The following TRPM8 variants were observed in gnomAD, a reference collection of about 807,000 sequenced individuals.
The protein encoded by TRPM8 is transient receptor potential cation channel subfamily M member 8.
Under a neutral mutation model 133.7 loss-of-function variants are expected in TRPM8, and 110 were observed. The observed-to-expected ratio is 0.82, with a 90% CI of 0.70 to 0.96. The LOEUF is 0.96. Among genes scored for constraint, TRPM8 ranks in the 40% least tolerant of loss-of-function variants. TRPM8 has a pLI of 0.00. For synonymous variants in TRPM8, 535 were observed against 532.3 expected (o/e 1.01, Z -0.07); for missense variants, 1,291 against 1,379.5 (o/e 0.94, Z 1.02).
chr2:234,014,562 C>G lies in TRPM8; in HGVS notation c.3265C>G (p.Leu1089Val), dbSNP rs201188178. The G allele has an allele frequency of 2.6e-6, 4 of 1,539,358 alleles. No individual in the cohort carries two copies. The highest frequency in any genetic ancestry group is 3.5e-6 in the Non-Finnish European group (4 of 1,146,624). Residue 1089 changes from leucine to valine, a missense_variant and splice_region_variant, in exon 25 of 26, where the codon CTT (leucine) becomes GTT (valine). Physicochemically the swap from Leu to Val is conservative, Grantham distance 32. Around this residue, in one of 2 missense-constraint regions of TRPM8, gnomAD observed 328 missense variants for 410.6 expected, o/e 0.80. Coordinates refer to ENST00000324695, the MANE Select transcript of TRPM8 (RefSeq NM_024080.5). ...AGTTCTATTTTTTTCTCTTTCCAAG[C>G]TTAATGATCTCAAGGGTCTTCTGAA... Reference protein sequence around the residue: ...RHRFRQLDTKLNDLKGLLKEI... With the variant: ...RHRFRQLDTKVNDLKGLLKEI...
At chr2:234,011,181 CT>C in intron 24 of TRPM8, among the ~76,000 whole-genome samples, 1 of 152,102 alleles carries the variant, frequency 6.6e-6, no homozygotes, top group Non-Finnish European at 1.5e-5. Flanking sequence ...CAATGTTATT[CT>C]TTTACATGTG....
At chr2:233,967,862 C>T (rs531099436) in intron 15 of TRPM8, among the ~76,000 whole-genome samples, 1 of 152,130 alleles carries the variant, frequency 6.6e-6, no homozygotes, top group African/African-American at 2.4e-5. Flanking sequence ...CTTCCTGGGC[C>T]CCAAACCCTA....
chr2:233,927,912 C>CTCTCTCTCTCTCTCTT (rs1559516656), intron 2 of TRPM8, among the ~76,000 whole-genome samples: 38 of 28,314 alleles, frequency 1.3e-3, no homozygotes, highest in Non-Finnish European at 1.9e-3. Context: ...CTTTCTTTCT[C>CTCTCTCTCTCTCTCTT]TCTCTCTCTC....
At chr2:233,936,441 C>G (rs1209659355) in intron 3 of TRPM8, among the ~76,000 whole-genome samples, 1 of 152,216 alleles carries the variant, frequency 6.6e-6, no homozygotes. Flanking sequence ...ACGAGAAGAT[C>G]TCGTGTTCAT....
At position 233,953,911 on chromosome 2, in the gene TRPM8, C is replaced by A. The variant is rs201609236; in HGVS notation, c.1141-6C>A. 4 of 1,607,710 alleles carry A rather than the reference C, an allele frequency of 2.5e-6. No individual in the cohort carries two copies. The South Asian group carries it at 4.5e-5, about 18-fold the overall frequency. ...TGGCTGACACTTTGTTCTTTAATTT[C>A]GCCAGCTCAAAGAAATTCTCGAATG... On this transcript the variant is annotated splice_region_variant and splice_polypyrimidine_tract_variant and intron_variant, in intron 9 of 25. Transcript: ENST00000324695.
At chr2:233,947,745 C>T (rs887512111) in intron 8 of TRPM8, among the ~76,000 whole-genome samples, 1 of 152,150 alleles carries the variant, frequency 6.6e-6, no homozygotes, top group Non-Finnish European at 1.5e-5. Context: ...AGTCAGGCTT[C>T]TGTTTGACGT....
intron 21 of TRPM8, among the ~76,000 whole-genome samples, chr2:233,986,900 G>A (rs1208928177): frequency 2.0e-5 from 3 of 152,188 alleles, no homozygotes; most frequent in Non-Finnish European, 2.9e-5. Flanking sequence ...GGAAAGTTCA[G>A]GTGGAAACAA....
At chr2:233,974,983 A>G (rs1691832471) in intron 17 of TRPM8, among the ~76,000 whole-genome samples, 1 of 152,112 alleles carries the variant, frequency 6.6e-6, no homozygotes, top group Non-Finnish European at 1.5e-5. Flanking sequence ...TAACTTACTG[A>G]ATTTTTTTTG....
intron 4 of TRPM8, 129 bp downstream of exon 4, chr2:233,937,638 C>A: frequency 1.8e-6 from 2 of 1,097,770 alleles, no homozygotes; most frequent in East Asian, 2.4e-5. Flanking sequence ...AAAACGATTG[C>A]AGAAAAAGAT....
intron 22 of TRPM8, among the ~76,000 whole-genome samples, chr2:233,996,807 G>T (rs1175041086): frequency 2.6e-5 from 4 of 152,164 alleles, no homozygotes; most frequent in African/African-American, 9.7e-5. Flanking sequence ...AGAATTCATG[G>T]GATAGTGTCC....
intron 12 of TRPM8, among the ~76,000 whole-genome samples, chr2:233,962,884 A>G (rs1691473843): frequency 6.6e-6 from 1 of 152,216 alleles, no homozygotes; most frequent in Non-Finnish European, 1.5e-5. Context: ...AATAAGCCAC[A>G]GTTTTATGTT....
chr2:233,989,982 T>G lies in TRPM8; in HGVS notation c.2939+4117T>G, dbSNP rs1413180664. 6.6e-6 allele frequency among the ~76,000 whole-genome samples: 1 copy of G among 152,166 alleles called. No homozygotes were observed. The highest frequency in any genetic ancestry group is 1.5e-5 in the Non-Finnish European group (1 of 68,030). ...TGCTGTAGAATAATTTCTAAAAATG[T>G]TTTTCAGATCTTAGGAGTAATATAA... is the stretch of plus-strand genomic sequence containing the variant. On this transcript the variant is annotated intron_variant, in intron 21 of 25. Coordinates refer to ENST00000324695, the MANE Select transcript of TRPM8 (RefSeq NM_024080.5). This position sits in a 1 kb window ranked among gnomAD's most constrained non-coding sequence, Gnocchi z 4.2.
rs1467293105 is a variant in TRPM8 at position 233,939,110 on chromosome 2, A to G, written c.461A>G (p.Asn154Ser). Residue 154 changes from asparagine to serine, a missense_variant, in exon 5 of 26, where the codon AAC becomes AGC. This residue lies in a region of TRPM8 where 963 missense variants were observed against 968.9 expected (regional missense o/e 0.99). Coordinates refer to ENST00000324695, the MANE Select transcript of TRPM8 (RefSeq NM_024080.5). ...LVISVTGGAK[N>S]FALKPRMRKI... ...ATTTCTGTGACCGGGGGCGCCAAGA[A>G]CTTCGCCCTGAAGCCGCGCATGCGC... 6.2e-7 allele frequency: 1 copy of G among 1,614,088 alleles called. No individual in the cohort carries two copies. Among genetic ancestry groups the G allele is most frequent in the Non-Finnish European group, 8.5e-7 (1 of 1,180,022 alleles).
intron 22 of TRPM8, 24 bp from the exon 23 acceptor site, chr2:234,006,829 G>A (rs374704448): frequency 5.8e-6 from 9 of 1,564,056 alleles, no homozygotes; most frequent in African/African-American, 5.4e-5. Context: ...CAATTTGAAT[G>A]TTTTCTTTTT....
chr2:233,992,995 A>G (rs1692318953), intron 21 of TRPM8, among the ~76,000 whole-genome samples: 1 of 152,218 alleles, frequency 6.6e-6, no homozygotes, highest in Non-Finnish European at 1.5e-5. Context: ...CCCCCTCTGG[A>G]GAACCCTCAT....
chr2:234,006,781 TAGA>T, intron 22 of TRPM8, 69 bp from the exon 23 acceptor site: 1 of 1,160,482 alleles, frequency 8.6e-7, no homozygotes, highest in Non-Finnish European at 1.3e-6. Context: ...CAAAATGCCT[TAGA>T]AGATCTTAAT....
At position 234,012,476 on chromosome 2, in the gene TRPM8, AGTGT is replaced by A. The variant is rs931502296; in HGVS notation, c.3265-2068_3265-2065del. On this transcript the variant is annotated intron_variant, in intron 24 of 25. Transcript: ENST00000324695. ...AACAGTTTTTTTTTGTGTGTGTGAG[AGTGT>A]GTGTGTGTGTGTGTGTGAGTGTGTG... Among the ~76,000 whole-genome samples, 5 of 146,304 alleles carry A rather than the reference AGTGT, an allele frequency of 3.4e-5. No homozygotes were observed. The South Asian group carries it at 6.6e-4, about 19-fold the overall frequency.
Position 233,924,255 on chromosome 2 carries a change from C to A in TRPM8, c.-5-2278C>A, listed in dbSNP as rs536564464. 3.3e-5 allele frequency among the ~76,000 whole-genome samples: 5 copies of A among 152,284 alleles called. No individual in the cohort carries two copies. In the South Asian group the frequency reaches 1.0e-3, roughly 32 times the overall value. The stretch of plus-strand genomic sequence containing the variant: ...CCATTGTTTCCAGGGAATTTTGGAT[C>A]GCTGGATCTGGCGGTGTGATTTTGT... On this transcript the variant is annotated intron_variant, in intron 1 of 25. Coordinates refer to ENST00000324695, the MANE Select transcript of TRPM8 (RefSeq NM_024080.5).
intron 14 of TRPM8, 108 bp downstream of exon 14, chr2:233,964,865 G>C: frequency 1.6e-6 from 2 of 1,238,328 alleles, no homozygotes; most frequent in East Asian, 2.5e-5. Flanking sequence ...GCATGTCCAA[G>C]CTCCCCAGTC....
Sources: allele counts gnomAD v4.1 joint callset (sites outside exome capture counted in the v4.1 genomes callset), GRCh38; gene constraint gnomAD v4.1.1; regional missense constraint gnomAD v4.1.1; non-coding constraint Gnocchi (gnomAD v3.1); transcripts MANE v1.5; gene names NCBI Gene and HGNC (gene_info 2026-07-23, HGNC 2026-07-21).